The following EVC variants were observed in gnomAD, a reference collection of about 807,000 sequenced individuals.
EVC encodes EvC ciliary complex subunit 1, also known as evC complex member EVC.
A neutral mutation model predicts 118.9 loss-of-function variants in EVC; 116 were observed. The observed-to-expected ratio is 0.98, with a 90% CI of 0.84 to 1.14. The LOEUF is 1.14. Among genes scored for constraint, EVC ranks in the 50% most tolerant of loss-of-function variants. The pLI, the probability that EVC is intolerant of heterozygous loss-of-function variation, is 0.00. For missense variants in EVC, 1,401 were observed against 1,246.4 expected (o/e 1.12, Z -1.87); for synonymous variants, 619 against 534.7 (o/e 1.16, Z -2.18).
In EVC at chr4:5,812,870, C is replaced by CA. The variant is rs1361848660; in HGVS notation, c.*1836dup. On this transcript the variant is annotated 3_prime_UTR_variant, in exon 21 of 21. Transcript: ENST00000264956. ...GGGGTTATCACCCACTGTGCTGAGT[C>CA]AAAGGGTGCCTTGCCCTGGTCTAAT... 8.0e-6 allele frequency: 1 copy of CA among 125,734 alleles called. No individual in the cohort carries two copies. The highest frequency in any genetic ancestry group is 2.7e-5 in the African/African-American group (1 of 36,678). 7.8% of individuals were successfully genotyped at this position (125,734 alleles called of 1,614,324 possible).
chr4:5,746,541 G>A lies in EVC; in HGVS notation c.939+1200G>A, dbSNP rs1729380265. Among the ~76,000 whole-genome samples the A allele has an allele frequency of 6.6e-6, 1 of 152,166 alleles. No homozygotes were observed. Among genetic ancestry groups the A allele is most frequent in the Non-Finnish European group, 1.5e-5 (1 of 68,024 alleles). On this transcript the variant is annotated intron_variant, in intron 7 of 20. Coordinates refer to ENST00000264956, the MANE Select transcript of EVC (RefSeq NM_153717.3). This position sits in a 1 kb window ranked among gnomAD's most constrained non-coding sequence, Gnocchi z 5.8. ...TTGGAGATGGAGGGTCTCCATGAGA[G>A]CCCAGGTTAGAGGACTTTGAGGGCC...
Position 5,797,385 on chromosome 4 carries a change from C to T in EVC, c.2097+153C>T, listed in dbSNP as rs191424577. 9.3e-4 allele frequency: 650 copies of T among 697,484 alleles called. 2 individuals carry two copies. The highest frequency in any genetic ancestry group is 6.2e-3 in the African/African-American group (356 of 57,376). The allele number at this position is 697,484 out of a possible 1,614,324, so 43.2% of individuals were successfully genotyped here. A position where few individuals can be genotyped will look rare whatever the true frequency, so the allele number is the denominator to read the frequency against. On this transcript the variant is annotated intron_variant, in intron 14 of 20. Coordinates refer to ENST00000264956, the MANE Select transcript of EVC (RefSeq NM_153717.3). ...CGCCGGGGCTGCCATAGCAAGGTCC[C>T]ACAGACCGGGCAGCTTACACTGCAC...
chr4:5,771,118 A>G (rs923964562), intron 11 of EVC, among the ~76,000 whole-genome samples: 3 of 152,178 alleles, frequency 2.0e-5, no homozygotes, highest in Non-Finnish European at 4.4e-5. Context: ...ACTAATGACC[A>G]CAAACTCAGT....
chr4:5,799,493 G>A (rs1168264515), intron 15 of EVC, among the ~76,000 whole-genome samples: 1 of 152,184 alleles, frequency 6.6e-6, no homozygotes, highest in Non-Finnish European at 1.5e-5. Context: ...AACCTAGTGA[G>A]TGGCAGCGCC....
chr4:5,748,031 ATTGTTTAGAATCT>A, intron 7 of EVC, 104 bp from the exon 8 acceptor site: 1 of 1,146,768 alleles, frequency 8.7e-7, no homozygotes, highest in Non-Finnish European at 1.3e-6. Context: ...AAACTGTAGA[ATTGTTTAGAATCT>A]TTGTTTGTGA....
chr4:5,793,769 C>G, intron 13 of EVC, 52 bp downstream of exon 13: 2 of 1,397,982 alleles, frequency 1.4e-6, no homozygotes, highest in South Asian at 2.5e-5. Flanking sequence ...ATGATGCTCC[C>G]TCCAGCCTCA....
At chr4:5,791,732 A>T (rs934655609) in intron 12 of EVC, among the ~76,000 whole-genome samples, 3 of 152,168 alleles carry the variant, frequency 2.0e-5, no homozygotes, top group East Asian at 3.9e-4. Context: ...CATCCACATG[A>T]TGAGGCCCCT....
chr4:5,748,676 CCATCCACCCACCCA>C (rs1729823165), intron 8 of EVC, among the ~76,000 whole-genome samples: 1 of 103,656 alleles, frequency 9.6e-6, no homozygotes, highest in Non-Finnish European at 1.8e-5. Flanking sequence ...CTCCATCCAT[CCATCCACCCACCCA>C]TCCATCCACC....
chr4:5,824,896 G>T, the EVC span: 1 of 985,396 alleles, frequency 1.0e-6, no homozygotes, highest in Non-Finnish European at 1.2e-6. Context: ...GAGACCTTAA[G>T]AAAGTCAGGA....
intron 13 of EVC, among the ~76,000 whole-genome samples, chr4:5,794,069 C>T (rs908690643): frequency 3.3e-5 from 5 of 151,748 alleles, no homozygotes; most frequent in South Asian, 4.1e-4. Flanking sequence ...ATTGCTACAA[C>T]GCAATTGTAA....
At chr4:5,826,777 C>T in the EVC span, 1 of 152,850 alleles carries the variant, frequency 6.5e-6, no homozygotes, top group Non-Finnish European at 1.5e-5. Flanking sequence ...GCCCTGACCC[C>T]AGGCCTGGCT....
At chr4:5,729,495 A>G in intron 3 of EVC, 105 bp downstream of exon 3, 1 of 1,161,074 alleles carries the variant, frequency 8.6e-7, no homozygotes, top group Non-Finnish European at 1.3e-6. Flanking sequence ...GTCCTGTTTG[A>G]GGGTTTTATG....
chr4:5,822,272 G>C, the EVC span, among the ~76,000 whole-genome samples: 14 of 152,228 alleles, frequency 9.2e-5, no homozygotes, highest in East Asian at 1.9e-4. Context: ...TTCAGGCCAC[G>C]TGTCTTGCGG....
intron 12 of EVC, among the ~76,000 whole-genome samples, chr4:5,785,106 A>T (rs945225078): frequency 1.3e-5 from 2 of 152,096 alleles, no homozygotes; most frequent in African/African-American, 4.8e-5. Context: ...CTTTGAAACA[A>T]AGCAAAGGGC....
rs1020561554 is a variant in EVC, at chr4:5,761,176, G to T, written c.1563+4814G>T. Among the ~76,000 whole-genome samples the T allele has an allele frequency of 1.1e-4, 16 of 152,044 alleles. 3 individuals carry two copies. Among genetic ancestry groups the T allele is most frequent in the African/African-American group, 3.9e-4 (16 of 41,320 alleles). On this transcript the variant is annotated intron_variant, in intron 11 of 20. Transcript: ENST00000264956. ...TGGGAGCCCATTTACTTTAAAGGCT[G>T]GGTGTGCCGAGGAGAGCAGGTCCAA...
rs371176451 is a variant in EVC at position 5,728,004 on chromosome 4, T to C, written c.301-1303T>C. On this transcript the variant is annotated intron_variant, in intron 2 of 20. Coordinates refer to ENST00000264956, the MANE Select transcript of EVC (RefSeq NM_153717.3). ...TGTAGTATAGTTTGAAGTCAGGTAGTGTGATGCCTCCAGCTTTGTTCTTTT... is the reference window on the plus strand; with the variant it reads ...TGTAGTATAGTTTGAAGTCAGGTAGCGTGATGCCTCCAGCTTTGTTCTTTT... Among the ~76,000 whole-genome samples, 461 of 151,210 alleles carry C rather than the reference T, an allele frequency of 3.0e-3. 3 individuals are homozygous for C. The highest frequency in any genetic ancestry group is 3.0e-3 in the Non-Finnish European group (202 of 67,812).
At chr4:5,818,825 A>AT (rs1357519240), downstream of EVC, among the ~76,000 whole-genome samples, 2 of 152,178 alleles carry the variant, frequency 1.3e-5, no homozygotes, top group East Asian at 3.8e-4. Flanking sequence ...AAATTACCCC[A>AT]TCTCAGGTAT....
At chr4:5,714,339 T>G (rs1158263475) in intron 1 of EVC, among the ~76,000 whole-genome samples, 2 of 152,236 alleles carry the variant, frequency 1.3e-5, no homozygotes, top group African/African-American at 4.8e-5. Context: ...TACATCAAAG[T>G]TGTTCATGCA....
chr4:5,802,107 C>A lies in EVC; in HGVS notation c.2449+13C>A, dbSNP rs367626044. On this transcript the variant is annotated intron_variant, in intron 16 of 20. Coordinates refer to ENST00000264956, the MANE Select transcript of EVC (RefSeq NM_153717.3). The stretch of plus-strand genomic sequence containing the variant: ...AAGACCCTGCAGGGTACGGGACCCC[C>A]CCTCAGGGAAGCCCCAGAAGAGACT... 2 of 1,614,162 alleles carry A rather than the reference C, an allele frequency of 1.2e-6. No individual in the cohort carries two copies. The highest frequency in any genetic ancestry group is 2.2e-5 in the East Asian group (1 of 44,888).
Sources: allele counts gnomAD v4.1 joint callset (sites outside exome capture counted in the v4.1 genomes callset), GRCh38; gene constraint gnomAD v4.1.1; non-coding constraint Gnocchi (gnomAD v3.1); transcripts MANE v1.5; gene names NCBI Gene and HGNC (gene_info 2026-07-23, HGNC 2026-07-21).